URB2: variants seen among roughly 807,000 people sequenced by gnomAD.
URB2 encodes the protein unhealthy ribosome biogenesis protein 2 homolog.
A neutral mutation model predicts 120.9 loss-of-function variants in URB2; 86 were observed. That is an observed-to-expected ratio of 0.71 (90% confidence interval 0.60 to 0.85). The LOEUF (loss-of-function observed/expected upper bound fraction) is 0.85, where lower values mean the gene tolerates loss of function less well. Among genes scored for constraint, URB2 ranks in the 40% least tolerant of loss-of-function variants. URB2 has a pLI of 0.00. For missense variants in URB2, 1,765 were observed against 1,836.5 expected, an observed-to-expected ratio of 0.96 and a Z score of 0.71; for synonymous variants, 755 against 758.4, an observed-to-expected ratio of 1.00 and a Z score of 0.07.
Position 229,659,097 on chromosome 1 carries a change from C to T in URB2, c.4378-3C>T, listed in dbSNP as rs569183945. 3.0e-5 allele frequency: 49 copies of T among 1,609,590 alleles called. No individual in the cohort carries two copies. In the South Asian group the frequency reaches 3.6e-4, roughly 12 times the overall value. ...TCTCACAGAGGTTTGCCTTTTTCCT[C>T]AGGTGACCTTATATCCAGCTGTGAA... On this transcript the variant is annotated splice_polypyrimidine_tract_variant and splice_region_variant and intron_variant, in intron 9 of 9. Coordinates refer to ENST00000258243, the MANE Select transcript of URB2 (RefSeq NM_014777.4).
At position 229,637,590 on chromosome 1, in the gene URB2, G is replaced by A. The variant is rs143248552; in HGVS notation, c.2977G>A (p.Ala993Thr). The A allele has an allele frequency of 6.5e-5, 105 of 1,614,014 alleles. No individual in the cohort carries two copies. Among genetic ancestry groups the A allele is most frequent in the East Asian group, 5.3e-4 (24 of 44,894 alleles). Residue 993 changes from alanine (A) to threonine (T), a missense_variant, in exon 4 of 10, where the codon GCT (alanine) becomes ACT (threonine). Coordinates refer to ENST00000258243, the MANE Select transcript of URB2 (RefSeq NM_014777.4). ...GTTCCTTATTGAGATGGATGATCCC[G>A]CTTGGCTGGAATTCCTCCAAGTGAT... is the stretch of plus-strand genomic sequence containing the variant. ...SRFLIEMDDP[A>T]WLEFLQVIGT...
chr1:229,627,493 A>C (rs1394001537), intron 1 of URB2, 128 bp from the exon 2 acceptor site: 1 of 897,616 alleles, frequency 1.1e-6, no homozygotes, highest in Non-Finnish European at 1.5e-6. Context: ...CTGTTGATTC[A>C]TTAAAAACTT....
At position 229,653,767 on chromosome 1, in the gene URB2, C is replaced by T. The variant is rs138510362; in HGVS notation, c.4238-482C>T. 3.8e-3 allele frequency among the ~76,000 whole-genome samples: 572 copies of T among 152,226 alleles called. 4 individuals carry two copies. The highest frequency in any genetic ancestry group is 0.013 in the African/African-American group (553 of 41,540). Reference sequence around the variant, plus strand: ...ATGATAATTGAGTCCTATGTCTGTCCACCTATAAAAGGCACATACACAAAC... The same window carrying T: ...ATGATAATTGAGTCCTATGTCTGTCTACCTATAAAAGGCACATACACAAAC... On this transcript the variant is annotated intron_variant, in intron 8 of 9. Coordinates refer to ENST00000258243, the MANE Select transcript of URB2 (RefSeq NM_014777.4).
At chr1:229,642,195 C>CA (rs1313905144) in intron 4 of URB2, among the ~76,000 whole-genome samples, 1 of 152,108 alleles carries the variant, frequency 6.6e-6, no homozygotes, top group Non-Finnish European at 1.5e-5. Context: ...GGAGAGGCCA[C>CA]ATACAGGCCA....
At chr1:229,644,762 A>C (rs1163331510) in intron 5 of URB2, among the ~76,000 whole-genome samples, 1 of 152,150 alleles carries the variant, frequency 6.6e-6, no homozygotes, top group Non-Finnish European at 1.5e-5. Flanking sequence ...GCTGCACAGC[A>C]TTCGGGGAGA....
In URB2 at chr1:229,634,955, A is replaced by G. The variant is rs754847202; in HGVS notation, c.342A>G (p.Gly114=). The G allele has an allele frequency of 6.5e-7, 1 of 1,546,254 alleles. No homozygotes were observed. Among genetic ancestry groups the G allele is most frequent in the Non-Finnish European group, 8.7e-7 (1 of 1,146,604 alleles). The change falls in exon 4 of 10, where the codon GGA becomes GGG. Residue 114 remains glycine (G), a synonymous_variant. Coordinates refer to ENST00000258243, the MANE Select transcript of URB2 (RefSeq NM_014777.4). ...GAGTAGCTGAGTTCTCTCTTTCGGG[A>G]TCCCAAAGAAACATCTGTGCTGTCC... ...NERVAEFSLS[G]SQRNICAVLR... is the part of the protein sequence containing the mutation.
rs1665899643 is a variant in URB2 at position 229,638,078 on chromosome 1, G to A, written c.3465G>A (p.Gln1155=). Residue 1155 remains glutamine, a synonymous_variant, in exon 4 of 10, where the codon CAG becomes CAA. Coordinates refer to ENST00000258243, the MANE Select transcript of URB2 (RefSeq NM_014777.4). ...RTLLSHVALY[Q]GVYSQILLEL... ...TGCTCTCCCATGTTGCCCTCTACCA[G>A]GGTGTTTACTCTCAGATACTGTTGG... The A allele has an allele frequency of 6.2e-7, 1 of 1,614,112 alleles. No homozygotes were observed. The highest frequency in any genetic ancestry group is 8.5e-7 in the Non-Finnish European group (1 of 1,180,046).
intron 1 of URB2, 117 bp from the exon 2 acceptor site, chr1:229,627,504 T>C: frequency 9.9e-7 from 1 of 1,011,848 alleles, no homozygotes; most frequent in Non-Finnish European, 1.3e-6. Context: ...TTAAAAACTT[T>C]TAAAAGAATA....
chr1:229,630,130 G>A (rs1172426426), intron 2 of URB2, among the ~76,000 whole-genome samples: 1 of 152,128 alleles, frequency 6.6e-6, no homozygotes, highest in East Asian at 1.9e-4. Flanking sequence ...TGATAATGTT[G>A]ATATTTTGAC....
At position 229,637,331 on chromosome 1, in the gene URB2, G is replaced by A. The variant is rs1311322659; in HGVS notation, c.2718G>A (p.Leu906=). 1 of 1,614,160 alleles carries A rather than the reference G, an allele frequency of 6.2e-7. No homozygotes were observed. The highest frequency in any genetic ancestry group is 1.6e-4 in the Middle Eastern group (1 of 6,062). The change falls in exon 4 of 10, where the codon CTG becomes CTA. Residue 906 remains leucine (L), a synonymous_variant. Coordinates refer to ENST00000258243, the MANE Select transcript of URB2 (RefSeq NM_014777.4). ...GLLEVISALQ[L]DSLLPPYHVH... ...TGGAAGTGATTTCTGCCTTACAGCT[G>A]GACAGCCTCTTGCCACCCTATCATG...
rs1665840812 is a variant in URB2, at chr1:229,636,728, C to T, written c.2115C>T (p.Ala705=). The T allele has an allele frequency of 1.9e-6, 3 of 1,612,984 alleles. No homozygotes were observed. Among genetic ancestry groups the T allele is most frequent in the East Asian group, 2.2e-5 (1 of 44,864 alleles). Residue 705 remains alanine (A), a synonymous_variant, in exon 4 of 10, where the codon GCC becomes GCT. Transcript: ENST00000258243. ...TCCAAAGTTTGAGGTGCGATGCTGC[C>T]TTTATTATTGGTTCCGGCAGAAAAA... ...GAIQSLRCDA[A]FIIGSGRKSL... is the part of the protein sequence containing the mutation.
At chr1:229,656,595 G>GT (rs1666413291) in intron 9 of URB2, among the ~76,000 whole-genome samples, 1 of 152,188 alleles carries the variant, frequency 6.6e-6, no homozygotes, top group African/African-American at 2.4e-5. Flanking sequence ...CTAGACCAGC[G>GT]TGTTTAAGTT....
At position 229,660,114 on chromosome 1, in the gene URB2, G is replaced by A. The variant is rs748649842; in HGVS notation, c.*817G>A. The A allele has an allele frequency of 1.3e-5, 2 of 152,130 alleles. No individual in the cohort carries two copies. Among genetic ancestry groups the A allele is most frequent in the Admixed American group, 6.5e-5 (1 of 15,272 alleles). The allele number at this position is 152,130 out of a possible 1,614,324, so 9.4% of individuals were successfully genotyped here. ...TGTCACCTTGGAGTATCTTGTTGTAGTCCCTTTACTATGTGTATGTATATA... is the reference window on the plus strand; with the variant it reads ...TGTCACCTTGGAGTATCTTGTTGTAATCCCTTTACTATGTGTATGTATATA... On this transcript the variant is annotated 3_prime_UTR_variant, in exon 10 of 10. Coordinates refer to ENST00000258243, the MANE Select transcript of URB2 (RefSeq NM_014777.4).
intron 2 of URB2, among the ~76,000 whole-genome samples, chr1:229,628,203 A>G (rs914706939): frequency 6.9e-6 from 1 of 144,654 alleles, no homozygotes; most frequent in Admixed American, 7.1e-5. Flanking sequence ...ATATATGTAT[A>G]TATATTATAC....
chr1:229,651,086 G>A, intron 7 of URB2, 149 bp from the exon 8 acceptor site: 1 of 552,416 alleles, frequency 1.8e-6, no homozygotes, highest in Non-Finnish European at 2.9e-6. Flanking sequence ...ATGTCCAGGC[G>A]AAAGGATGTG....
chr1:229,656,326 A>G (rs919360584), intron 9 of URB2, among the ~76,000 whole-genome samples: 2 of 152,200 alleles, frequency 1.3e-5, no homozygotes, highest in Non-Finnish European at 2.9e-5. Context: ...TTCAGTCACT[A>G]ATTATTATTC....
intron 5 of URB2, 113 bp downstream of exon 5, chr1:229,643,806 A>G (rs1666070258): frequency 1.4e-6 from 2 of 1,393,124 alleles, no homozygotes; most frequent in South Asian, 2.9e-5. Flanking sequence ...TCTAACTGGT[A>G]GAGACTCTAG....
rs1453606316 is a variant in URB2 at position 229,635,968 on chromosome 1, T to C, written c.1355T>C (p.Leu452Pro). 15 of 1,614,210 alleles carry C rather than the reference T, an allele frequency of 9.3e-6. No homozygotes were observed. The highest frequency in any genetic ancestry group is 1.3e-5 in the Non-Finnish European group (15 of 1,180,032). The change falls in exon 4 of 10, where the codon CTT becomes CCT. Residue 452 changes from leucine (L) to proline (P), a missense_variant. Coordinates refer to ENST00000258243, the MANE Select transcript of URB2 (RefSeq NM_014777.4). ...EFRTKKAQEA[L>P]IRTVFQTYAK... ...CGAACCAAAAAAGCCCAGGAGGCGC[T>C]TATTCGTACTGTCTTCCAGACTTAT...
Position 229,629,274 on chromosome 1 carries a change from G to A in URB2, c.126+1515G>A, listed in dbSNP as rs796990945. Among the ~76,000 whole-genome samples, 6 of 152,344 alleles carry A rather than the reference G, an allele frequency of 3.9e-5. No homozygotes were observed. In the South Asian group the frequency reaches 1.0e-3, roughly 26 times the overall value. Reference sequence around the variant, plus strand: ...TATTAGTAGTATTAGAGGTTAAGCTGTAGGTAATGTGGGGGAAGCCAGGAC... The same window carrying A: ...TATTAGTAGTATTAGAGGTTAAGCTATAGGTAATGTGGGGGAAGCCAGGAC... On this transcript the variant is annotated intron_variant, in intron 2 of 9. Coordinates refer to ENST00000258243, the MANE Select transcript of URB2 (RefSeq NM_014777.4).
Sources: gnomAD v4.1 joint callset for allele counts (sites outside exome capture counted in the v4.1 genomes callset) on GRCh38, gnomAD v4.1.1 for gene constraint, MANE v1.5 for transcripts, NCBI Gene and HGNC (gene_info 2026-07-23, HGNC 2026-07-21) for gene names.